Variants in GGT1 observed in about 807,000 individuals in gnomAD.
GGT1 encodes glutathione hydrolase 1 proenzyme.
Under a neutral mutation model 56.0 loss-of-function variants are expected in GGT1, and 21 were observed. That is an observed-to-expected ratio of 0.38 (90% CI 0.27 to 0.54). The LOEUF (loss-of-function observed/expected upper bound fraction) is 0.54. Among genes scored for constraint, GGT1 ranks in the 20% least tolerant of loss-of-function variants. The probability of loss-of-function intolerance (pLI) is 0.82; values close to 1 mark genes in which losing one functional copy is unlikely to be tolerated. For synonymous variants in GGT1, 238 were observed against 342.6 expected, an observed-to-expected ratio of 0.69 and a Z score of 3.37; for missense variants, 466 against 787.0, an observed-to-expected ratio of 0.59 and a Z score of 4.88.
At chr22:24,607,690 C>G in intron 1 of GGT1, 1 of 251,106 alleles carries the variant, frequency 4.0e-6, no homozygotes, top group Middle Eastern at 1.6e-3. Flanking sequence ...TCCCACTGTC[C>G]GCCGGGGCTG....
At chr22:24,627,258 G>T in intron 11 of GGT1, 174 bp from the exon 12 acceptor site, 1 of 1,299,816 alleles carries the variant, frequency 7.7e-7, no homozygotes, top group Non-Finnish European at 1.0e-6. Flanking sequence ...CAGAGACAGG[G>T]AGTCAGACTG....
chr22:24,620,669 T>G lies in GGT1; in HGVS notation c.575+149T>G. Reference sequence around the variant, plus strand: ...AGATACAGACCCTTCCCACCACGTGTGGGGACACATTCTGAGCGTGGGGTC... The same window carrying G: ...AGATACAGACCCTTCCCACCACGTGGGGGGACACATTCTGAGCGTGGGGTC... On this transcript the variant is annotated intron_variant, in intron 8 of 15. Transcript: ENST00000400382. This position sits in a 1 kb window ranked among gnomAD's most constrained non-coding sequence, Gnocchi z 5.6. 1 of 1,467,122 alleles carries G rather than the reference T, an allele frequency of 6.8e-7. No individual in the cohort carries two copies. The highest frequency in any genetic ancestry group is 1.4e-5 in the South Asian group (1 of 69,468). The allele number at this position is 1,467,122 out of a possible 1,614,324, so 90.9% of individuals were successfully genotyped here.
chr22:24,602,157 C>A (rs2045792780), upstream of GGT1, among the ~76,000 whole-genome samples: 3 of 152,300 alleles, frequency 2.0e-5, no homozygotes, highest in South Asian at 6.2e-4. Context: ...TCCCCTGCAG[C>A]CCTCACTTCC....
chr22:24,589,784 C>T, the GGT1 span: 1 of 1,583,862 alleles, frequency 6.3e-7, no homozygotes, highest in South Asian at 1.2e-5. Context: ...CTGTCCACCA[C>T]AGTGCCCAGC....
intron 1 of GGT1, among the ~76,000 whole-genome samples, chr22:24,607,317 C>T (rs2046381870): frequency 6.6e-6 from 1 of 152,046 alleles, no homozygotes; most frequent in Admixed American, 6.5e-5. Context: ...GTGCCAGGGG[C>T]ACCACTACTC....
In GGT1 at chr22:24,611,191, T is replaced by C. The variant is rs1409844254; in HGVS notation, c.110T>C (p.Val37Ala). The change falls in exon 5 of 16, where the codon GTG becomes GCG. Residue 37 changes from valine to alanine, a missense_variant. By Grantham distance (64) the Val-to-Ala change is moderately conservative. Coordinates refer to ENST00000400382, the MANE Select transcript of GGT1 (RefSeq NM_001288833.2). ...PSASKEPDNH[V>A]YTRAAVAADA... ...GCCTCCAAGGAACCTGACAACCATG[T>C]GTACACCAGGGCTGCCGTGGCCGCG... is the stretch of plus-strand genomic sequence containing the variant. The C allele has an allele frequency of 6.3e-7, 1 of 1,589,798 alleles. No individual in the cohort carries two copies.
At chr22:24,599,675 T>G (rs957803488), upstream of GGT1, among the ~76,000 whole-genome samples, 5 of 152,154 alleles carry the variant, frequency 3.3e-5, no homozygotes, top group African/African-American at 1.2e-4. Flanking sequence ...TGGTGGCAGT[T>G]GCTTAGCTCA....
chr22:24,586,790 C>G, the GGT1 span, among the ~76,000 whole-genome samples: 1 of 152,240 alleles, frequency 6.6e-6, no homozygotes, highest in East Asian at 1.9e-4. Context: ...CTCAGCCTCC[C>G]AAAGTGCTGG....
chr22:24,615,308 A>G (rs1463456367), intron 7 of GGT1, among the ~76,000 whole-genome samples, 181 bp downstream of exon 7: 1 of 152,130 alleles, frequency 6.6e-6, no homozygotes, highest in Non-Finnish European at 1.5e-5. Context: ...ACCATGGTAA[A>G]GGGCCGGGAG....
intron 5 of GGT1, among the ~76,000 whole-genome samples, chr22:24,614,348 CAAAAAAAAAAAAAAA>C (rs534749815): frequency 1.9e-4 from 2 of 10,734 alleles, no homozygotes; most frequent in African/African-American, 2.5e-4. Flanking sequence ...GACTTTGTCT[CAAAAAAAAAAAAAAA>C]AAAAAAAAAA....
At chr22:24,609,827 G>C (rs1367406695) in intron 2 of GGT1, 138 bp from the exon 3 acceptor site, 5 of 374,850 alleles carry the variant, frequency 1.3e-5, no homozygotes, top group Non-Finnish European at 2.2e-5. Flanking sequence ...GTCCACAGGG[G>C]ACATACAGTG....
At chr22:24,607,522 C>T (rs2330822) in intron 1 of GGT1, 4 of 154,584 alleles carry the variant, frequency 2.6e-5, no homozygotes, top group South Asian at 3.6e-4. Flanking sequence ...CCAGGGCCCT[C>T]CCAGGGCTGC....
At chr22:24,605,324 T>TATATTATATA (rs2046069419) in intron 1 of GGT1, among the ~76,000 whole-genome samples, 1 of 58,066 alleles carries the variant, frequency 1.7e-5, no homozygotes, top group African/African-American at 1.0e-4. Context: ...ATATGTATTA[T>TATATTATATA]ATATTATATA....
intron 5 of GGT1, 83 bp from the exon 6 acceptor site, chr22:24,614,693 T>C (rs960880808): frequency 2.6e-5 from 31 of 1,205,562 alleles, no homozygotes; most frequent in Non-Finnish European, 3.7e-5. Context: ...CCATCCTCCT[T>C]TGGGCAGGTG....
At chr22:24,611,543 CATCTATCTATCT>C (rs60405110) in intron 5 of GGT1, among the ~76,000 whole-genome samples, 21,235 of 118,784 alleles carry the variant, frequency 0.18, 1,802 homozygotes, top group Admixed American at 0.23. Flanking sequence ...ATCTATCTAT[CATCTATCTATCT>C]ATCTATCTAT....
intron 1 of GGT1, among the ~76,000 whole-genome samples, chr22:24,595,953 A>G (rs1298334050): frequency 1.3e-5 from 2 of 152,234 alleles, no homozygotes; most frequent in African/African-American, 2.4e-5. Context: ...CCTGGTAGCC[A>G]CTGTAAAGAA....
the GGT1 span, among the ~76,000 whole-genome samples, chr22:24,583,994 A>T: frequency 2.0e-5 from 3 of 152,194 alleles, no homozygotes; most frequent in Non-Finnish European, 4.4e-5. Context: ...CGGCTCTCAT[A>T]CCGTTTTGAT....
the GGT1 span, chr22:24,586,292 A>C: frequency 3.7e-6 from 6 of 1,614,006 alleles, no homozygotes; most frequent in African/African-American, 1.3e-5. Flanking sequence ...CACCGCCAGC[A>C]CAGCACCATG....
chr22:24,614,829 T>C lies in GGT1; in HGVS notation c.218T>C (p.Leu73Ser). ...SAVDAAIAAL[L>S]CVGLMNAHSM... is the part of the protein sequence containing the mutation. ...GTGGATGCAGCCATTGCAGCCCTGT[T>C]GTGTGTGGGGCTCATGAATGCCCAC... Residue 73 changes from leucine to serine, a missense_variant, in exon 6 of 16, where the codon TTG becomes TCG. Physicochemically the swap from Leu to Ser is moderately radical, Grantham distance 145. Around this residue, in one of 2 missense-constraint regions of GGT1, gnomAD observed 456 missense variants for 716.7 expected, o/e 0.64. Coordinates refer to ENST00000400382, the MANE Select transcript of GGT1 (RefSeq NM_001288833.2). 3 of 1,613,276 alleles carry C rather than the reference T, an allele frequency of 1.9e-6. No homozygotes were observed. Among genetic ancestry groups the C allele is most frequent in the Non-Finnish European group, 2.5e-6 (3 of 1,179,462 alleles).
Sources: gnomAD v4.1 joint callset for allele counts (sites outside exome capture counted in the v4.1 genomes callset) on GRCh38, gnomAD v4.1.1 for gene constraint, gnomAD v4.1.1 regional missense constraint, Gnocchi (gnomAD v3.1) non-coding constraint, MANE v1.5 for transcripts, NCBI Gene and HGNC (gene_info 2026-07-23, HGNC 2026-07-21) for gene names.